AOPEP: variants seen among roughly 807,000 people sequenced by gnomAD.
The protein encoded by AOPEP is aminopeptidase O (putative), also known as aminopeptidase O.
AOPEP carries 77 observed loss-of-function variants against 98.1 expected under a neutral mutation model. The observed-to-expected ratio is 0.78, with a 90% CI of 0.65 to 0.95. The LOEUF (loss-of-function observed/expected upper bound fraction) is 0.95, where lower values mean the gene tolerates loss of function less well. Among genes scored for constraint, AOPEP ranks in the 40% least tolerant of loss-of-function variants. The probability of loss-of-function intolerance (pLI) is 0.00; values close to 1 mark genes in which losing one functional copy is unlikely to be tolerated. For synonymous variants in AOPEP, 346 were observed against 365.3 expected (o/e 0.95, Z 0.60); for missense variants, 1,024 against 1,024.7 (o/e 1.00, Z 0.01).
the AOPEP span, among the ~76,000 whole-genome samples, chr9:95,132,140 T>C: frequency 6.6e-6 from 1 of 152,192 alleles, no homozygotes; most frequent in African/African-American, 2.4e-5. Flanking sequence ...GGCTAGCTCC[T>C]CTGGACCCAG....
At chr9:94,784,559 A>G (rs1448194820) in intron 3 of AOPEP, among the ~76,000 whole-genome samples, 1 of 152,256 alleles carries the variant, frequency 6.6e-6, no homozygotes, top group Admixed American at 6.5e-5. Flanking sequence ...AATAATTAAG[A>G]TAACTGTTTT....
intron 13 of AOPEP, among the ~76,000 whole-genome samples, chr9:95,053,629 G>C (rs1168527058): frequency 1.3e-5 from 2 of 152,170 alleles, no homozygotes; most frequent in African/African-American, 4.8e-5. Context: ...ATTATAAAAT[G>C]TATACTCTCC....
In AOPEP at chr9:94,883,596, A is replaced by G. The variant is rs550716933; in HGVS notation, c.1365-40390A>G. Among the ~76,000 whole-genome samples, 185 of 152,318 alleles carry G rather than the reference A, an allele frequency of 1.2e-3. 1 individual carries two copies. Among genetic ancestry groups the G allele is most frequent in the Non-Finnish European group, 7.9e-4 (54 of 68,028 alleles). ...GTTAAGTTACAATTCAGACTGAAGA[A>G]CTCAAGGAAGCAAGTATTAATACCA... On this transcript the variant is annotated intron_variant, in intron 5 of 16. Transcript: ENST00000375315.
chr9:95,000,133 CAA>C (rs1051440142), intron 11 of AOPEP, among the ~76,000 whole-genome samples: 26 of 151,890 alleles, frequency 1.7e-4, no homozygotes, highest in African/African-American at 6.3e-4. Context: ...TAAAAAAAAA[CAA>C]TGACAACAAC....
At chr9:94,946,784 C>G (rs2057679293) in intron 7 of AOPEP, among the ~76,000 whole-genome samples, 1 of 152,092 alleles carries the variant, frequency 6.6e-6, no homozygotes, top group Non-Finnish European at 1.5e-5. Flanking sequence ...CTTGGTTGTT[C>G]TCTTTGTTGA....
the AOPEP span, chr9:95,149,971 T>C: frequency 2.5e-6 from 4 of 1,612,668 alleles, no homozygotes; most frequent in Non-Finnish European, 3.4e-6. Context: ...CTGGAGGATT[T>C]CCTGAGGTTC....
chr9:95,105,538 TG>T, the AOPEP span, among the ~76,000 whole-genome samples: 4 of 152,246 alleles, frequency 2.6e-5, no homozygotes, highest in East Asian at 7.7e-4. Flanking sequence ...ATACATAAAA[TG>T]TGCTGTTTTA....
At position 94,886,214 on chromosome 9, in the gene AOPEP, G is replaced by A. The variant is rs1482099597; in HGVS notation, c.1365-37772G>A. On this transcript the variant is annotated intron_variant, in intron 5 of 16. Coordinates refer to ENST00000375315, the MANE Select transcript of AOPEP (RefSeq NM_001193329.3). Reference sequence around the variant, plus strand: ...GAAGCCAGGGCATCTGTCAGGTGCTGGGCAGTGAAATTTCCTAGCTACTTT... The same window carrying A: ...GAAGCCAGGGCATCTGTCAGGTGCTAGGCAGTGAAATTTCCTAGCTACTTT... Among the ~76,000 whole-genome samples, 9 of 152,158 alleles carry A rather than the reference G, an allele frequency of 5.9e-5. No individual in the cohort carries two copies. The East Asian group carries it at 1.5e-3, about 26-fold the overall frequency.
At position 94,852,114 on chromosome 9, in the gene AOPEP, CG is replaced by C. The variant is rs748766756; in HGVS notation, c.1364+51114del. Among the ~76,000 whole-genome samples, 40 of 152,210 alleles carry C rather than the reference CG, an allele frequency of 2.6e-4. 1 individual carries two copies. Among genetic ancestry groups the C allele is most frequent in the Non-Finnish European group, 4.9e-4 (33 of 68,014 alleles). On this transcript the variant is annotated intron_variant, in intron 5 of 16. Transcript: ENST00000375315. ...GACCCCGTAGACATGATAATTTGAG[CG>C]GCTGCTATGGGAGATGCCTTATGTC...
intron 14 of AOPEP, among the ~76,000 whole-genome samples, chr9:95,075,771 T>C (rs1416226801): frequency 6.6e-6 from 1 of 152,184 alleles, no homozygotes; most frequent in Non-Finnish European, 1.5e-5. Context: ...CCTGTAGTCC[T>C]AGCTACTTGA....
chr9:95,037,182 G>A (rs2064905186), intron 13 of AOPEP, among the ~76,000 whole-genome samples: 1 of 152,000 alleles, frequency 6.6e-6, no homozygotes, highest in South Asian at 2.1e-4. Context: ...ATTTTATGAA[G>A]TTTCAGGATA....
intron 2 of AOPEP, among the ~76,000 whole-genome samples, chr9:94,767,178 A>G (rs1167487528): frequency 6.6e-6 from 1 of 152,194 alleles, no homozygotes; most frequent in Non-Finnish European, 1.5e-5. Context: ...ATTTATGAGA[A>G]CTAAAGTGGA....
Position 94,801,008 on chromosome 9 carries a change from T to C in AOPEP, c.1364+6T>C. 1 of 1,613,640 alleles carries C rather than the reference T, an allele frequency of 6.2e-7. No individual in the cohort carries two copies. Among genetic ancestry groups the C allele is most frequent in the South Asian group, 1.1e-5 (1 of 91,082 alleles). ...CCAAGTCTGGGGATGGCCAGGTATG[T>C]TGTTCCATTGTGGCACTTGGGGTAC... On this transcript the variant is annotated splice_donor_region_variant and intron_variant, in intron 5 of 16. Coordinates refer to ENST00000375315, the MANE Select transcript of AOPEP (RefSeq NM_001193329.3).
intron 1 of AOPEP, among the ~76,000 whole-genome samples, chr9:94,752,918 G>A (rs1431844514): frequency 2.0e-5 from 3 of 152,206 alleles, no homozygotes; most frequent in Non-Finnish European, 2.9e-5. Context: ...TGAGATGCTC[G>A]TGCTGGGGGC....
At chr9:94,962,173 A>C (rs1589093951) in intron 9 of AOPEP, among the ~76,000 whole-genome samples, 1 of 152,288 alleles carries the variant, frequency 6.6e-6, no homozygotes, top group African/African-American at 2.4e-5. Flanking sequence ...TGTTAATATT[A>C]ATTAATTCCC....
chr9:94,813,528 C>T (rs1851078136), intron 5 of AOPEP, among the ~76,000 whole-genome samples: 1 of 152,208 alleles, frequency 6.6e-6, no homozygotes, highest in Non-Finnish European at 1.5e-5. Context: ...CCCTCACCAG[C>T]CTGTGCTAAG....
At chr9:94,947,443 T>G (rs1123534) in intron 7 of AOPEP, among the ~76,000 whole-genome samples, 1 of 151,900 alleles carries the variant, frequency 6.6e-6, no homozygotes. Flanking sequence ...ACATCTCGCT[T>G]TGTTGCCCAG....
chr9:95,043,186 CATCAGGAAA>C (rs2065489728), intron 13 of AOPEP, among the ~76,000 whole-genome samples: 1 of 149,142 alleles, frequency 6.7e-6, no homozygotes, highest in Non-Finnish European at 1.5e-5. Flanking sequence ...TCATAACTAC[CATCAGGAAA>C]ATGTATATGT....
chr9:95,046,145 GT>G (rs1793258296), intron 13 of AOPEP, among the ~76,000 whole-genome samples: 1 of 152,320 alleles, frequency 6.6e-6, no homozygotes, highest in African/African-American at 2.4e-5. Context: ...AACAAATAGT[GT>G]CGGAATCATT....
Sources: gnomAD v4.1 joint callset for allele counts (sites outside exome capture counted in the v4.1 genomes callset) on GRCh38, gnomAD v4.1.1 for gene constraint, MANE v1.5 for transcripts, NCBI Gene and HGNC (gene_info 2026-07-23, HGNC 2026-07-21) for gene names.